Variants in NKAIN2 observed in about 807,000 individuals in gnomAD.
The protein encoded by NKAIN2 is sodium/potassium-transporting ATPase subunit beta-1-interacting protein 2.
Under a neutral mutation model 32.6 loss-of-function variants are expected in NKAIN2, and 14 were observed. The observed-to-expected ratio is 0.43, with a 90% CI of 0.28 to 0.67. NKAIN2 has a LOEUF of 0.67. Ranked by LOEUF, NKAIN2 falls within the 30% of genes least tolerant of loss-of-function variation. The pLI is 0.17. For synonymous variants in NKAIN2, 80 were observed against 87.2 expected, an observed-to-expected ratio of 0.92 and a Z score of 0.46; for missense variants, 198 against 258.3, an observed-to-expected ratio of 0.77 and a Z score of 1.60.
chr6:124,591,696 C>CAT (rs1781920520), intron 3 of NKAIN2, among the ~76,000 whole-genome samples: 1 of 152,070 alleles, frequency 6.6e-6, no homozygotes, highest in African/African-American at 2.4e-5. Flanking sequence ...TAAGGTAATA[C>CAT]ATATTTTCTT....
intron 3 of NKAIN2, among the ~76,000 whole-genome samples, chr6:124,359,878 T>C (rs1348422265): frequency 1.3e-5 from 2 of 152,216 alleles, no homozygotes; most frequent in Non-Finnish European, 2.9e-5. Flanking sequence ...CTTCCAGTTT[T>C]TGCCCATTCA....
intron 1 of NKAIN2, among the ~76,000 whole-genome samples, chr6:123,948,890 T>C (rs529399968): frequency 6.6e-6 from 1 of 152,092 alleles, no homozygotes; most frequent in African/African-American, 2.4e-5. Context: ...GTTGTATTGT[T>C]TTAGGTCTCA....
intron 1 of NKAIN2, among the ~76,000 whole-genome samples, chr6:123,925,988 G>A (rs930391213): frequency 6.6e-6 from 1 of 152,130 alleles, no homozygotes; most frequent in Non-Finnish European, 1.5e-5. Flanking sequence ...TTACTTTCTG[G>A]TTCATAGATG....
At chr6:124,372,926 G>A (rs113587052) in intron 3 of NKAIN2, among the ~76,000 whole-genome samples, 118 of 152,218 alleles carry the variant, frequency 7.8e-4, no homozygotes, top group African/African-American at 2.8e-3. Flanking sequence ...TAAAAACAGA[G>A]TTTGGATATT....
At chr6:123,817,429 C>G (rs1773739517) in intron 1 of NKAIN2, among the ~76,000 whole-genome samples, 1 of 152,066 alleles carries the variant, frequency 6.6e-6, no homozygotes, top group South Asian at 2.1e-4. Context: ...ATGTAAAGAG[C>G]TGGAAAGAGC....
At chr6:124,605,690 A>G (rs183554888) in intron 3 of NKAIN2, among the ~76,000 whole-genome samples, 4 of 152,114 alleles carry the variant, frequency 2.6e-5, no homozygotes, top group Admixed American at 6.6e-5. Flanking sequence ...ATGTAATTTT[A>G]TGTCAGAATT....
intron 2 of NKAIN2, among the ~76,000 whole-genome samples, chr6:124,336,671 T>TG (rs1797878469): frequency 1.4e-5 from 2 of 147,320 alleles, no homozygotes; most frequent in South Asian, 2.2e-4. Flanking sequence ...ATAGTTTGTT[T>TG]TTTTTTGTTT....
At chr6:123,878,883 A>G (rs533100713) in intron 1 of NKAIN2, among the ~76,000 whole-genome samples, 1 of 151,938 alleles carries the variant, frequency 6.6e-6, no homozygotes, top group African/African-American at 2.4e-5. Context: ...GCAAACTACT[A>G]CTCAGAAGTT....
At position 124,287,594 on chromosome 6, in the gene NKAIN2, C is replaced by T. The variant is rs1374577334; in HGVS notation, c.192+4452C>T. 2.0e-5 allele frequency among the ~76,000 whole-genome samples: 3 copies of T among 152,072 alleles called. No individual in the cohort carries two copies. The East Asian group carries it at 5.8e-4, about 29-fold the overall frequency. On this transcript the variant is annotated intron_variant, in intron 2 of 6. Coordinates refer to ENST00000368417, the MANE Select transcript of NKAIN2 (RefSeq NM_001040214.3). ...TGTTTTCAGGTCCAAGCAAAGGAAA[C>T]CTGAAGCCAGAATTCATAGAAAGAA...
At chr6:124,551,991 TAGA>T (rs1780304537) in intron 3 of NKAIN2, among the ~76,000 whole-genome samples, 1 of 152,182 alleles carries the variant, frequency 6.6e-6, no homozygotes, top group South Asian at 2.1e-4. Context: ...TGATAATCGT[TAGA>T]AACTGAGCAT....
intron 4 of NKAIN2, among the ~76,000 whole-genome samples, chr6:124,674,673 T>TG (rs1222161288): frequency 6.6e-6 from 1 of 152,088 alleles, no homozygotes; most frequent in East Asian, 1.9e-4. Context: ...TGTTAATGTA[T>TG]AGAAATACAA....
intron 1 of NKAIN2, among the ~76,000 whole-genome samples, chr6:124,071,036 G>A (rs1371670846): frequency 3.3e-5 from 5 of 152,130 alleles, no homozygotes; most frequent in Non-Finnish European, 7.4e-5. Flanking sequence ...GTCATGCTCT[G>A]GACAAAGACA....
chr6:124,418,355 C>T (rs528889362), intron 3 of NKAIN2, among the ~76,000 whole-genome samples: 1 of 151,882 alleles, frequency 6.6e-6, no homozygotes, highest in African/African-American at 2.4e-5. Context: ...TGACATAGGT[C>T]GGGTCTTCCA....
intron 1 of NKAIN2, among the ~76,000 whole-genome samples, chr6:124,186,021 C>T (rs996138082): frequency 6.6e-6 from 1 of 151,768 alleles, no homozygotes; most frequent in Non-Finnish European, 1.5e-5. Flanking sequence ...GGGGCTCCTA[C>T]CTGTAATTCC....
chr6:124,372,462 T>A (rs1316410288), intron 3 of NKAIN2, among the ~76,000 whole-genome samples: 1 of 152,148 alleles, frequency 6.6e-6, no homozygotes, highest in Non-Finnish European at 1.5e-5. Context: ...AAAGCCAGTC[T>A]TTGAAATTCA....
Position 124,147,584 on chromosome 6 carries a change from A to G in NKAIN2, c.55-135421A>G, listed in dbSNP as rs977786431. Among the ~76,000 whole-genome samples, 23 of 152,166 alleles carry G rather than the reference A, an allele frequency of 1.5e-4. 1 individual carries two copies. The highest frequency in any genetic ancestry group is 6.5e-4 in the Admixed American group (10 of 15,274). On this transcript the variant is annotated intron_variant, in intron 1 of 6. Transcript: ENST00000368417. ...GATTAAACAGCCTTATATGTTTTGC[A>G]ATTTAATTAGGTAATGTCTTCAACA... is the stretch of plus-strand genomic sequence containing the variant.
chr6:123,923,807 G>T (rs1408957797), intron 1 of NKAIN2, among the ~76,000 whole-genome samples: 3 of 109,818 alleles, frequency 2.7e-5, no homozygotes. Context: ...GGGGGGAGGG[G>T]GGAGGGATAG....
At chr6:124,632,764 G>T (rs998066665) in intron 3 of NKAIN2, among the ~76,000 whole-genome samples, 1 of 152,156 alleles carries the variant, frequency 6.6e-6, no homozygotes, top group Admixed American at 6.6e-5. Context: ...CAAATTCTAA[G>T]CAGTATTGAT....
intron 1 of NKAIN2, among the ~76,000 whole-genome samples, chr6:124,033,646 C>G (rs1309682254): frequency 6.6e-6 from 1 of 152,070 alleles, no homozygotes; most frequent in Non-Finnish European, 1.5e-5. Context: ...CATCCTCCCA[C>G]TAAACGAAAG....
Sources: gnomAD v4.1 joint callset for allele counts (sites outside exome capture counted in the v4.1 genomes callset) on GRCh38, gnomAD v4.1.1 for gene constraint, MANE v1.5 for transcripts, NCBI Gene and HGNC (gene_info 2026-07-23, HGNC 2026-07-21) for gene names.